Variants in JMJD1C observed in about 807,000 individuals in gnomAD.
The protein encoded by JMJD1C is jumonji domain-containing protein 1C.
JMJD1C carries 31 observed loss-of-function variants against 245.3 expected under a neutral mutation model. The ratio of observed to expected loss-of-function variants is 0.13; its 90% CI spans 0.09 to 0.17. The LOEUF (loss-of-function observed/expected upper bound fraction) is 0.17. Ranked by LOEUF, JMJD1C falls within the 10% of genes least tolerant of loss-of-function variation. The pLI is 1.00. For missense variants in JMJD1C, 2,691 were observed against 3,000.2 expected, an observed-to-expected ratio of 0.90 and a Z score of 2.41; for synonymous variants, 1,057 against 1,017.4, an observed-to-expected ratio of 1.04 and a Z score of -0.74.
At chr10:63,317,536 TACAC>T (rs542075558) in intron 2 of JMJD1C, among the ~76,000 whole-genome samples, 22 of 151,458 alleles carry the variant, frequency 1.5e-4, no homozygotes, top group East Asian at 9.7e-4. Flanking sequence ...CTAAGCCTAC[TACAC>T]ACACACACAC....
intron 1 of JMJD1C, among the ~76,000 whole-genome samples, chr10:63,461,038 C>A (rs1321259746): frequency 6.6e-6 from 1 of 152,126 alleles, no homozygotes; most frequent in African/African-American, 2.4e-5. Flanking sequence ...TAATTTTACA[C>A]AGAAACACAA....
chr10:63,277,022 C>A (rs1856847071), intron 2 of JMJD1C, among the ~76,000 whole-genome samples: 1 of 150,008 alleles, frequency 6.7e-6, no homozygotes, highest in African/African-American at 2.5e-5. Context: ...GCTGGGACTA[C>A]GGGCACCCAC....
chr10:63,174,317 T>TA (rs1178253729), intron 24 of JMJD1C, among the ~76,000 whole-genome samples: 1 of 152,188 alleles, frequency 6.6e-6, no homozygotes, highest in Non-Finnish European at 1.5e-5. Flanking sequence ...TGTACGGATT[T>TA]AAAAAATGAA....
intron 24 of JMJD1C, among the ~76,000 whole-genome samples, chr10:63,170,453 A>G (rs981429713): frequency 6.6e-6 from 1 of 152,050 alleles, no homozygotes; most frequent in Non-Finnish European, 1.5e-5. Context: ...ACTTTTCCAA[A>G]CTGTTTTTGC....
intron 2 of JMJD1C, among the ~76,000 whole-genome samples, chr10:63,266,530 C>G (rs762907082): frequency 6.6e-6 from 1 of 152,094 alleles, no homozygotes; most frequent in African/African-American, 2.4e-5. Context: ...CAGGGATATT[C>G]GGCTGATCCC....
chr10:63,204,830 T>C (rs1292551392), intron 10 of JMJD1C: 16 of 985,302 alleles, frequency 1.6e-5, no homozygotes, highest in Non-Finnish European at 1.8e-5. Flanking sequence ...CCTGTTTTCC[T>C]CTCCTTCACT....
At chr10:63,247,104 AAAAAAACAAAAAC>A (rs969161705) in intron 3 of JMJD1C, among the ~76,000 whole-genome samples, 6 of 134,362 alleles carry the variant, frequency 4.5e-5, no homozygotes, top group Non-Finnish European at 8.4e-5. Flanking sequence ...AACTGAGACA[AAAAAAACAAAAAC>A]AAAAACAAAA....
intron 1 of JMJD1C, among the ~76,000 whole-genome samples, chr10:63,445,529 T>C (rs1467580814): frequency 1.3e-5 from 2 of 152,038 alleles, no homozygotes; most frequent in Non-Finnish European, 2.9e-5. Flanking sequence ...TAATAGAAGA[T>C]AATGTCGATG....
chr10:63,259,848 G>A (rs1015886911), intron 3 of JMJD1C, among the ~76,000 whole-genome samples: 6 of 152,126 alleles, frequency 3.9e-5, no homozygotes, highest in African/African-American at 1.4e-4. Flanking sequence ...ACTCTACAAT[G>A]ATAGAACTGT....
intron 1 of JMJD1C, among the ~76,000 whole-genome samples, chr10:63,398,342 C>CT (rs1300134173): frequency 1.3e-5 from 2 of 152,062 alleles, no homozygotes; most frequent in African/African-American, 2.4e-5. Context: ...AAAGTCATTT[C>CT]TCCCATACAG....
chr10:63,478,808 C>G (rs1953740216), intron 1 of JMJD1C, among the ~76,000 whole-genome samples: 1 of 152,102 alleles, frequency 6.6e-6, no homozygotes, highest in African/African-American at 2.4e-5. Context: ...CCAGACCCCC[C>G]AGAGGTCAAG....
At chr10:63,362,481 ATATT>A in intron 2 of JMJD1C, among the ~76,000 whole-genome samples, 1 of 146,512 alleles carries the variant, frequency 6.8e-6, no homozygotes, top group Non-Finnish European at 1.5e-5. Flanking sequence ...ATTTATATAT[ATATT>A]TATTTATTTT....
rs552995141 is a variant in JMJD1C, at chr10:63,328,346, A to C, written c.333+51972T>G. 9.1e-4 allele frequency among the ~76,000 whole-genome samples: 139 copies of C among 152,278 alleles called. 3 individuals carry two copies. The South Asian group carries it at 0.028, about 31-fold the overall frequency. On this transcript the variant is annotated intron_variant, in intron 2 of 25. Transcript: ENST00000399262. ...CAATTTAGCTTGTCACATATATAAA[A>C]AATTTGAGAGGATTAGGGGAAAAAG...
chr10:63,230,559 T>C lies in JMJD1C; in HGVS notation c.448-10576A>G, dbSNP rs370015801. 9.2e-5 allele frequency among the ~76,000 whole-genome samples: 14 copies of C among 152,222 alleles called. No individual in the cohort carries two copies. In the East Asian group the frequency reaches 1.4e-3, roughly 15 times the overall value. ...CATAAAATGGTAACTGTAAATACAA[T>C]TGGAGCTTTAAGTTGCATTCACAAT... On this transcript the variant is annotated intron_variant, in intron 3 of 25. Transcript: ENST00000399262.
At position 63,441,654 on chromosome 10, in the gene JMJD1C, C is replaced by A. The variant is rs186794944; in HGVS notation, c.168+23841G>T. On this transcript the variant is annotated intron_variant, in intron 1 of 25. Coordinates refer to ENST00000399262, the MANE Select transcript of JMJD1C (RefSeq NM_032776.3). ...TCAGTTTTCCTTTTCCAAGCATCAC[C>A]CAGTTTTCAACAAAATCACATCATA... Among the ~76,000 whole-genome samples the A allele has an allele frequency of 1.0e-3, 153 of 152,196 alleles. 1 individual carries two copies. Among genetic ancestry groups the A allele is most frequent in the African/African-American group, 3.6e-3 (148 of 41,534 alleles).
At chr10:63,430,223 C>T (rs1950666316) in intron 1 of JMJD1C, among the ~76,000 whole-genome samples, 2 of 151,998 alleles carry the variant, frequency 1.3e-5, no homozygotes, top group Admixed American at 6.6e-5. Context: ...TATGTAAGAC[C>T]CATAACTATC....
chr10:63,411,542 G>A lies in JMJD1C; in HGVS notation c.169-31060C>T, dbSNP rs551702150. Among the ~76,000 whole-genome samples, 166 of 151,164 alleles carry A rather than the reference G, an allele frequency of 1.1e-3. 1 individual carries two copies. Among genetic ancestry groups the A allele is most frequent in the African/African-American group, 3.9e-3 (159 of 41,180 alleles). ...TCGAACTCCTGACCTCAGGTGATCC[G>A]CCTGCCTGGGCCTCCCAGAGTGCTG... On this transcript the variant is annotated intron_variant, in intron 1 of 25. Coordinates refer to ENST00000399262, the MANE Select transcript of JMJD1C (RefSeq NM_032776.3).
intron 1 of JMJD1C, among the ~76,000 whole-genome samples, chr10:63,515,443 G>A (rs376173154): frequency 2.0e-5 from 3 of 152,256 alleles, no homozygotes; most frequent in East Asian, 3.9e-4. Context: ...ACAAAACTAC[G>A]GGGGCTTCCT....
At chr10:63,495,096 A>AT (rs113386532) in intron 1 of JMJD1C, among the ~76,000 whole-genome samples, 81 of 146,312 alleles carry the variant, frequency 5.5e-4, no homozygotes, top group Middle Eastern at 3.6e-3. Context: ...GTGTTAGCGC[A>AT]TTTTTTTTTT....
Sources: gnomAD v4.1 joint callset for allele counts (sites outside exome capture counted in the v4.1 genomes callset) on GRCh38, gnomAD v4.1.1 for gene constraint, MANE v1.5 for transcripts, NCBI Gene and HGNC (gene_info 2026-07-23, HGNC 2026-07-21) for gene names.